The following ETV6 variants were observed in gnomAD, a reference collection of about 807,000 sequenced individuals.
ETV6 encodes ETS variant transcription factor 6.
Under a neutral mutation model 51.1 loss-of-function variants are expected in ETV6, and 16 were observed. The ratio of observed to expected loss-of-function variants is 0.31; its 90% CI spans 0.21 to 0.48. The LOEUF (loss-of-function observed/expected upper bound fraction) is 0.48, where lower values mean the gene tolerates loss of function less well. ETV6 is among the 20% of genes least tolerant of loss of function. The pLI is 0.99. For synonymous variants in ETV6, 240 were observed against 224.1 expected, an observed-to-expected ratio of 1.07 and a Z score of -0.64; for missense variants, 458 against 594.8, an observed-to-expected ratio of 0.77 and a Z score of 2.39.
chr12:11,800,839 T>TG (rs1945737880), intron 2 of ETV6, among the ~76,000 whole-genome samples: 1 of 152,054 alleles, frequency 6.6e-6, no homozygotes, highest in Non-Finnish European at 1.5e-5. Context: ...GAGGCTTAGT[T>TG]GGGGGGATCA....
chr12:11,723,355 A>G (rs558096959), intron 1 of ETV6, among the ~76,000 whole-genome samples: 35 of 152,290 alleles, frequency 2.3e-4, no homozygotes, highest in African/African-American at 8.2e-4. Context: ...GGATTATCAC[A>G]TTTAATACCC....
intron 2 of ETV6, among the ~76,000 whole-genome samples, chr12:11,797,562 G>C (rs1945697145): frequency 6.6e-6 from 1 of 152,196 alleles, no homozygotes. Context: ...TTACAGCAAA[G>C]GCTTGTTTTT....
At chr12:11,694,800 T>G (rs1864843305) in intron 1 of ETV6, among the ~76,000 whole-genome samples, 1 of 152,238 alleles carries the variant, frequency 6.6e-6, no homozygotes, top group Non-Finnish European at 1.5e-5. Context: ...GTGCTTGGAA[T>G]AAGACGTTCT....
At chr12:11,872,731 A>C (rs1946901570) in intron 5 of ETV6, among the ~76,000 whole-genome samples, 1 of 152,026 alleles carries the variant, frequency 6.6e-6, no homozygotes, top group South Asian at 2.1e-4. Flanking sequence ...CCTGACCTCA[A>C]GTGATCTGCC....
chr12:11,740,211 G>A (rs1321657382), intron 1 of ETV6, among the ~76,000 whole-genome samples: 1 of 151,602 alleles, frequency 6.6e-6, no homozygotes, highest in Non-Finnish European at 1.5e-5. Flanking sequence ...TCATTTCCTT[G>A]TGGCAAGGAA....
intron 1 of ETV6, among the ~76,000 whole-genome samples, chr12:11,712,452 ATC>A (rs1354951244): frequency 4.6e-5 from 7 of 152,292 alleles, no homozygotes; most frequent in Admixed American, 3.3e-4. Context: ...GAGACCCATC[ATC>A]TCGTCGTAGA....
chr12:11,849,298 A>G (rs1783153772), intron 3 of ETV6, among the ~76,000 whole-genome samples: 1 of 151,878 alleles, frequency 6.6e-6, no homozygotes. Context: ...TTTTGTAGAG[A>G]TGGGGATCTC....
intron 2 of ETV6, among the ~76,000 whole-genome samples, chr12:11,793,716 A>AGTAG (rs1945638119): frequency 6.6e-6 from 1 of 152,174 alleles, no homozygotes; most frequent in African/African-American, 2.4e-5. Context: ...ATCAAGGATG[A>AGTAG]GTAGGTGCCT....
chr12:11,691,145 A>G (rs1864753747), intron 1 of ETV6, among the ~76,000 whole-genome samples: 1 of 152,048 alleles, frequency 6.6e-6, no homozygotes, highest in African/African-American at 2.4e-5. Flanking sequence ...GGAGCTCTCT[A>G]AGGCCTCTTT....
chr12:11,824,472 G>A (rs1359588893), intron 2 of ETV6, among the ~76,000 whole-genome samples: 1 of 152,168 alleles, frequency 6.6e-6, no homozygotes, highest in African/African-American at 2.4e-5. Flanking sequence ...GCTGGGAGTA[G>A]AGGCACATTG....
Position 11,892,571 on chromosome 12 carries a change from A to G in ETV6, c.*1525A>G, listed in dbSNP as rs1947311645. ...CCAATATAGGTCTCAGAAATCCAAT[A>G]TTTGGAGTACAATTTCTTTTAATCC... is the stretch of plus-strand genomic sequence containing the variant. On this transcript the variant is annotated 3_prime_UTR_variant, in exon 8 of 8. Transcript: ENST00000396373. The G allele has an allele frequency of 4.3e-6, 1 of 231,278 alleles. No individual in the cohort carries two copies. Among genetic ancestry groups the G allele is most frequent in the African/African-American group, 2.2e-5 (1 of 44,652 alleles). 14.3% of individuals were successfully genotyped at this position (231,278 alleles called of 1,614,324 possible).
At chr12:11,650,533 C>T (rs1382338229) in intron 1 of ETV6, among the ~76,000 whole-genome samples, 5 of 135,970 alleles carry the variant, frequency 3.7e-5, no homozygotes, top group Admixed American at 1.5e-4. Context: ...CCTATTCCTA[C>T]ACCCAACATG....
chr12:11,686,817 C>T (rs1025544986), intron 1 of ETV6, among the ~76,000 whole-genome samples: 2 of 152,244 alleles, frequency 1.3e-5, no homozygotes, highest in African/African-American at 4.8e-5. Flanking sequence ...CGCACCTGGC[C>T]CTGCTATGAC....
At chr12:11,744,718 G>A (rs1865875034) in intron 1 of ETV6, among the ~76,000 whole-genome samples, 1 of 152,168 alleles carries the variant, frequency 6.6e-6, no homozygotes, top group African/African-American at 2.4e-5. Flanking sequence ...CTGCAGAATG[G>A]TGTGATTTAA....
intron 2 of ETV6, among the ~76,000 whole-genome samples, chr12:11,806,979 T>C (rs191600838): frequency 6.6e-6 from 1 of 152,382 alleles, no homozygotes; most frequent in Non-Finnish European, 1.5e-5. Flanking sequence ...TCACTGATGG[T>C]GTTCCACCGA....
At chr12:11,692,880 T>C (rs1864794837) in intron 1 of ETV6, among the ~76,000 whole-genome samples, 1 of 151,806 alleles carries the variant, frequency 6.6e-6, no homozygotes, top group South Asian at 2.1e-4. Flanking sequence ...CGAAGCCATC[T>C]CTACAAAAAA....
chr12:11,806,517 C>G (rs1266765304), intron 2 of ETV6, among the ~76,000 whole-genome samples: 1 of 152,148 alleles, frequency 6.6e-6, no homozygotes. Context: ...GTTCTACACA[C>G]CTTTGTTAGT....
chr12:11,759,348 G>GT (rs929458883), intron 2 of ETV6, among the ~76,000 whole-genome samples: 1 of 152,096 alleles, frequency 6.6e-6, no homozygotes, highest in African/African-American at 2.4e-5. Flanking sequence ...CCCCTCATTA[G>GT]TGTCACGGGC....
At chr12:11,737,067 G>T (rs1265157729) in intron 1 of ETV6, among the ~76,000 whole-genome samples, 3 of 152,148 alleles carry the variant, frequency 2.0e-5, no homozygotes, top group Admixed American at 1.3e-4. Context: ...TGGTTTGGGG[G>T]TCTGAGAGGT....
Sources: gnomAD v4.1 joint callset for allele counts (sites outside exome capture counted in the v4.1 genomes callset) on GRCh38, gnomAD v4.1.1 for gene constraint, MANE v1.5 for transcripts, NCBI Gene and HGNC (gene_info 2026-07-23, HGNC 2026-07-21) for gene names.